The following SP4 variants were observed in gnomAD, a reference collection of about 807,000 sequenced individuals.
SP4 encodes the protein Sp4 transcription factor, also known as transcription factor Sp4.
SP4 carries 19 observed loss-of-function variants against 72.8 expected under a neutral mutation model. That is an observed-to-expected ratio of 0.26 (90% CI 0.18 to 0.38). The LOEUF (loss-of-function observed/expected upper bound fraction) is 0.38, where lower values mean the gene tolerates loss of function less well. Among genes scored for constraint, SP4 ranks in the 10% least tolerant of loss-of-function variants. The pLI is 1.00. For missense variants in SP4, 1,008 were observed against 926.3 expected (o/e 1.09, Z -1.14); for synonymous variants, 395 against 333.1 (o/e 1.19, Z -2.02).
intron 4 of SP4, among the ~76,000 whole-genome samples, chr7:21,477,933 T>C (rs764697504): frequency 6.6e-6 from 1 of 152,218 alleles, no homozygotes. Context: ...AGTGTACAAT[T>C]CAGTGGTTTT....
At chr7:21,452,296 G>A (rs2128399009) in intron 3 of SP4, among the ~76,000 whole-genome samples, 1 of 152,270 alleles carries the variant, frequency 6.6e-6, no homozygotes, top group African/African-American at 2.4e-5. Context: ...TGCCATATAG[G>A]CTCCTTTTAA....
intron 3 of SP4, among the ~76,000 whole-genome samples, chr7:21,433,319 CT>C (rs376150180): frequency 5.3e-5 from 8 of 152,250 alleles, no homozygotes; most frequent in African/African-American, 1.4e-4. Context: ...TCTTTTCCCC[CT>C]GAAACCAAAG....
chr7:21,508,297 G>A (rs1479885507), intron 5 of SP4, among the ~76,000 whole-genome samples: 2 of 152,168 alleles, frequency 1.3e-5, no homozygotes, highest in East Asian at 3.8e-4. Context: ...ACAAACAATG[G>A]AAGCGAGACT....
At chr7:21,488,627 G>A (rs930971715) in intron 5 of SP4, among the ~76,000 whole-genome samples, 1 of 151,870 alleles carries the variant, frequency 6.6e-6, no homozygotes, top group African/African-American at 2.4e-5. Context: ...AGGTGCAGTA[G>A]TGCACACCTA....
At chr7:21,438,791 T>A (rs1202837145) in intron 3 of SP4, among the ~76,000 whole-genome samples, 2 of 152,234 alleles carry the variant, frequency 1.3e-5, no homozygotes, top group Non-Finnish European at 2.9e-5. Context: ...AATCTTCTCT[T>A]TGTCCAGTTA....
intron 4 of SP4, among the ~76,000 whole-genome samples, chr7:21,477,884 A>C (rs114687450): frequency 6.6e-6 from 1 of 152,084 alleles, no homozygotes. Flanking sequence ...CTTTATTGAT[A>C]TAAAACTCAT....
intron 3 of SP4, among the ~76,000 whole-genome samples, chr7:21,471,536 C>G (rs946093418): frequency 1.3e-5 from 2 of 152,106 alleles, no homozygotes; most frequent in African/African-American, 2.4e-5. Context: ...GTTTTCTCAT[C>G]TTAATTGGGA....
chr7:21,500,484 A>G (rs1210391303), intron 5 of SP4, among the ~76,000 whole-genome samples: 1 of 152,190 alleles, frequency 6.6e-6, no homozygotes, highest in East Asian at 1.9e-4. Context: ...CACAGAGCCA[A>G]AATCAAGGCT....
intron 5 of SP4, among the ~76,000 whole-genome samples, chr7:21,490,849 A>G (rs2128413468): frequency 6.6e-6 from 1 of 152,342 alleles, no homozygotes; most frequent in East Asian, 1.9e-4. Context: ...AGCCTTTGAA[A>G]AGTGAATTAA....
intron 3 of SP4, among the ~76,000 whole-genome samples, chr7:21,464,853 C>T (rs1212696244): frequency 1.3e-5 from 2 of 152,202 alleles, no homozygotes; most frequent in East Asian, 1.9e-4. Context: ...ACTCATTGTA[C>T]ATCTAAAGGA....
intron 3 of SP4, among the ~76,000 whole-genome samples, chr7:21,442,731 G>A (rs922826838): frequency 1.2e-4 from 19 of 152,128 alleles, no homozygotes; most frequent in African/African-American, 4.1e-4. Flanking sequence ...AATTCAAGTA[G>A]TTTTTTGTTT....
chr7:21,428,963 T>C (rs1484349263), intron 2 of SP4, 171 bp downstream of exon 2: 5 of 617,928 alleles, frequency 8.1e-6, no homozygotes, highest in Non-Finnish European at 1.4e-5. Context: ...TCTTTGAGGG[T>C]ATAACGCTGT....
chr7:21,495,227 G>A (rs533291295), intron 5 of SP4, among the ~76,000 whole-genome samples: 3 of 152,204 alleles, frequency 2.0e-5, no homozygotes, highest in African/African-American at 7.2e-5. Context: ...GAAAAAATCA[G>A]TAAATAGGAC....
intron 5 of SP4, among the ~76,000 whole-genome samples, chr7:21,496,250 A>C (rs1474540102): frequency 6.6e-6 from 1 of 152,256 alleles, no homozygotes; most frequent in Non-Finnish European, 1.5e-5. Context: ...TTTACTGTAT[A>C]TAAATTAAAA....
intron 5 of SP4, among the ~76,000 whole-genome samples, chr7:21,508,807 CTTTTTTT>C (rs11418275): frequency 1.8e-5 from 2 of 111,534 alleles, no homozygotes; most frequent in African/African-American, 7.0e-5. Flanking sequence ...TGTCTACACA[CTTTTTTT>C]TTTTTTTTTT....
intron 3 of SP4, among the ~76,000 whole-genome samples, chr7:21,438,216 A>G (rs867605403): frequency 5.3e-5 from 8 of 152,316 alleles, no homozygotes; most frequent in Middle Eastern, 3.4e-3. Flanking sequence ...ATTTGCTTAA[A>G]CTATAAACTC....
chr7:21,430,237 A>G lies in SP4; in HGVS notation c.1072A>G (p.Thr358Ala), dbSNP rs774275985. ...CACATCAGCCAGTAGTTCTGAACGC[A>G]CCATTGAAGAATCTCAAACACCTGC... ...ASTSASSSERTIEESQTPAAT... is the reference protein window; with the variant it reads ...ASTSASSSERAIEESQTPAAT... Residue 358 changes from threonine to alanine, a missense_variant, in exon 3 of 6, where the codon ACC becomes GCC. Thr to Ala is a moderately conservative substitution (Grantham distance 58). This residue lies in a region of SP4 where 893 missense variants were observed against 743.3 expected (regional missense o/e 1.20). Coordinates refer to ENST00000222584, the MANE Select transcript of SP4 (RefSeq NM_003112.5). 9 of 1,614,082 alleles carry G rather than the reference A, an allele frequency of 5.6e-6. No individual in the cohort carries two copies. The highest frequency in any genetic ancestry group is 4.2e-6 in the Non-Finnish European group (5 of 1,180,054).
At chr7:21,458,578 T>C (rs1260061738) in intron 3 of SP4, among the ~76,000 whole-genome samples, 1 of 152,156 alleles carries the variant, frequency 6.6e-6, no homozygotes, top group African/African-American at 2.4e-5. Flanking sequence ...TCATCTCTTC[T>C]CCCTTCACCA....
chr7:21,487,036 T>C (rs963535630), intron 5 of SP4, among the ~76,000 whole-genome samples: 1 of 152,264 alleles, frequency 6.6e-6, no homozygotes, highest in Non-Finnish European at 1.5e-5. Context: ...GTACCACTTA[T>C]ACTTTCTTCT....
Sources: gnomAD v4.1 joint callset for allele counts (sites outside exome capture counted in the v4.1 genomes callset) on GRCh38, gnomAD v4.1.1 for gene constraint, gnomAD v4.1.1 regional missense constraint, MANE v1.5 for transcripts, NCBI Gene and HGNC (gene_info 2026-07-23, HGNC 2026-07-21) for gene names.